Variants in PCDHGA11 observed in about 807,000 individuals in gnomAD.
The protein encoded by PCDHGA11 is protocadherin gamma subfamily A, 11.
A neutral mutation model predicts 60.4 loss-of-function variants in PCDHGA11; 39 were observed. The ratio of observed to expected loss-of-function variants is 0.65; its 90% CI spans 0.50 to 0.84. PCDHGA11 has a LOEUF of 0.84. PCDHGA11 is among the 40% of genes least tolerant of loss of function. The probability of loss-of-function intolerance (pLI) is 0.00; values close to 1 mark genes in which losing one functional copy is unlikely to be tolerated. For synonymous variants in PCDHGA11, 533 were observed against 510.3 expected (o/e 1.04, Z -0.60); for missense variants, 1,165 against 1,197.7 (o/e 0.97, Z 0.40).
chr5:141,490,941 A>G lies in PCDHGA11; in HGVS notation c.2434-3866A>G. The G allele has an allele frequency of 6.2e-7, 1 of 1,613,628 alleles. No homozygotes were observed. The highest frequency in any genetic ancestry group is 8.5e-7 in the Non-Finnish European group (1 of 1,179,772). On this transcript the variant is annotated intron_variant, in intron 1 of 3. Coordinates refer to ENST00000398587, the MANE Select transcript of PCDHGA11 (RefSeq NM_018914.3). The surrounding 1 kb of genome is among the most constrained non-coding windows in gnomAD (Gnocchi z 5.4). ...ATAATGCCCCAGCTGTGCTGCACCC[A>G]CGGCCAGACTGGGAACACTCAGCCC... is the stretch of plus-strand genomic sequence containing the variant.
intron 1 of PCDHGA11, among the ~76,000 whole-genome samples, chr5:141,464,370 T>C (rs1239284694): frequency 6.6e-6 from 1 of 151,828 alleles, no homozygotes. Context: ...CCAATATTTT[T>C]GCAATATAAA....
rs115568443 is a variant in PCDHGA11 at position 141,439,423 on chromosome 5, A to G, written c.2433+15763A>G. On this transcript the variant is annotated intron_variant, in intron 1 of 3. Coordinates refer to ENST00000398587, the MANE Select transcript of PCDHGA11 (RefSeq NM_018914.3). ...TGTGCTAACATCACTGAGGTTATAA[A>G]TTCCCAGGAATATTTTATTGCGGGA... 1.0e-2 allele frequency among the ~76,000 whole-genome samples: 1,522 copies of G among 152,306 alleles called. 34 individuals carry two copies. Among genetic ancestry groups the G allele is most frequent in the African/African-American group, 0.034 (1,425 of 41,558 alleles).
At chr5:141,437,497 T>A (rs2097889891) in intron 1 of PCDHGA11, among the ~76,000 whole-genome samples, 1 of 152,190 alleles carries the variant, frequency 6.6e-6, no homozygotes, top group Non-Finnish European at 1.5e-5. Flanking sequence ...TAGATCACTT[T>A]TCAATGAATT....
At chr5:141,435,728 A>T (rs549219746) in intron 1 of PCDHGA11, among the ~76,000 whole-genome samples, 1 of 152,200 alleles carries the variant, frequency 6.6e-6, no homozygotes, top group Non-Finnish European at 1.5e-5. Flanking sequence ...GCTAAAGTGT[A>T]TTACTCTTTG....
intron 1 of PCDHGA11, among the ~76,000 whole-genome samples, chr5:141,479,041 C>T (rs1346986831): frequency 1.2e-4 from 18 of 152,100 alleles, no homozygotes; most frequent in Admixed American, 1.2e-3. Flanking sequence ...AGATCGTGTA[C>T]CTCATTCTCA....
At chr5:141,478,098 C>T (rs779493391) in intron 1 of PCDHGA11, 1 of 1,614,142 alleles carries the variant, frequency 6.2e-7, no homozygotes, top group South Asian at 1.1e-5. Flanking sequence ...ACCACTGCTA[C>T]CCTCACTGTG....
intron 1 of PCDHGA11, chr5:141,478,484 C>T (rs376021397): frequency 6.2e-7 from 1 of 1,613,458 alleles, no homozygotes; most frequent in South Asian, 1.1e-5. Flanking sequence ...GAACACGCTG[C>T]GGAGCTGTGA....
Position 141,486,904 on chromosome 5 carries a change from C to G in PCDHGA11, c.2434-7903C>G. On this transcript the variant is annotated intron_variant, in intron 1 of 3. Transcript: ENST00000398587. This position sits in a 1 kb window ranked among gnomAD's most constrained non-coding sequence, Gnocchi z 5.0. The stretch of plus-strand genomic sequence containing the variant: ...GGGCCCGGCCTGGTTCCTTATGTCC[C>G]CAAGCACTGCCTCCATCAGTTGGTG... 6.2e-7 allele frequency: 1 copy of G among 1,614,226 alleles called. No individual in the cohort carries two copies. The highest frequency in any genetic ancestry group is 1.1e-5 in the South Asian group (1 of 91,080).
intron 1 of PCDHGA11, among the ~76,000 whole-genome samples, chr5:141,463,479 C>T (rs1162346496): frequency 4.1e-5 from 5 of 120,544 alleles, no homozygotes; most frequent in Non-Finnish European, 8.1e-5. Flanking sequence ...GATGGAGTCT[C>T]GCTCTGTCAC....
chr5:141,477,059 A>G lies in PCDHGA11; in HGVS notation c.2434-17748A>G. On this transcript the variant is annotated intron_variant, in intron 1 of 3. Coordinates refer to ENST00000398587, the MANE Select transcript of PCDHGA11 (RefSeq NM_018914.3). This position sits in a 1 kb window ranked among gnomAD's most constrained non-coding sequence, Gnocchi z 4.9. ...CAAGGGTCGGCTGGACTTCGAGGAC[A>G]CCAAACTCCATGAGATTTACATCCA... The G allele has an allele frequency of 1.2e-6, 2 of 1,614,238 alleles. No individual in the cohort carries two copies. Among genetic ancestry groups the G allele is most frequent in the Non-Finnish European group, 1.7e-6 (2 of 1,180,036 alleles).
chr5:141,432,706 C>G lies in PCDHGA11; in HGVS notation c.2433+9046C>G, dbSNP rs761752571. The G allele has an allele frequency of 6.2e-7, 1 of 1,613,988 alleles. No homozygotes were observed. Among genetic ancestry groups the G allele is most frequent in the African/African-American group, 1.3e-5 (1 of 75,072 alleles). Reference sequence around the variant, plus strand: ...GCCTCGTAGTGGCCGTCCAGGACCACGGCCAGCCCCCTCTCTCCGCCACTG... The same window carrying G: ...GCCTCGTAGTGGCCGTCCAGGACCAGGGCCAGCCCCCTCTCTCCGCCACTG... On this transcript the variant is annotated intron_variant, in intron 1 of 3. Transcript: ENST00000398587. The surrounding 1 kb of genome is among the most constrained non-coding windows in gnomAD (Gnocchi z 6.0).
rs750731453 is a variant in PCDHGA11, at chr5:141,421,995, C to G, written c.768C>G (p.Ile256Met). Reference protein sequence around the residue: ...SVYRVSVPENISSGTRVLMVN... With the variant: ...SVYRVSVPENMSSGTRVLMVN... ...ATCGCGTGAGTGTTCCAGAAAACATCAGCTCCGGAACTCGGGTGCTGATGG... is the reference window on the plus strand; with the variant it reads ...ATCGCGTGAGTGTTCCAGAAAACATGAGCTCCGGAACTCGGGTGCTGATGG... Residue 256 changes from isoleucine (I) to methionine (M), a missense_variant, in exon 1 of 4, where the codon ATC becomes ATG. Ile to Met is a conservative substitution (Grantham distance 10). Coordinates refer to ENST00000398587, the MANE Select transcript of PCDHGA11 (RefSeq NM_018914.3). 6.2e-7 allele frequency: 1 copy of G among 1,608,844 alleles called. No individual in the cohort carries two copies. The highest frequency in any genetic ancestry group is 1.1e-5 in the South Asian group (1 of 90,214).
rs1460389320 is a variant in PCDHGA11 at position 141,490,134 on chromosome 5, C to T, written c.2434-4673C>T. The T allele has an allele frequency of 2.5e-6, 4 of 1,614,114 alleles. No homozygotes were observed. Among genetic ancestry groups the T allele is most frequent in the Admixed American group, 3.3e-5 (2 of 59,998 alleles). ...GGAACCTCTTTGGCCTAGACCCTAG[C>T]AGTGGGGCAATCCATGTGTTGGGTC... On this transcript the variant is annotated intron_variant, in intron 1 of 3. Coordinates refer to ENST00000398587, the MANE Select transcript of PCDHGA11 (RefSeq NM_018914.3). This position sits in a 1 kb window ranked among gnomAD's most constrained non-coding sequence, Gnocchi z 5.4.
chr5:141,423,996 A>G (rs1164307988), intron 1 of PCDHGA11: 1 of 1,079,028 alleles, frequency 9.3e-7, no homozygotes, highest in African/African-American at 1.7e-5. Context: ...AATTTATTAT[A>G]TATAGATACA....
At chr5:141,451,945 C>T (rs906800803) in intron 1 of PCDHGA11, among the ~76,000 whole-genome samples, 1 of 151,970 alleles carries the variant, frequency 6.6e-6, no homozygotes, top group Non-Finnish European at 1.5e-5. Flanking sequence ...AGGGAAAGAC[C>T]GAGAAAGTGA....
intron 2 of PCDHGA11, among the ~76,000 whole-genome samples, chr5:141,497,023 G>A (rs1271608156): frequency 1.3e-5 from 2 of 151,912 alleles, no homozygotes; most frequent in Non-Finnish European, 2.9e-5. Flanking sequence ...ACCCCATCTC[G>A]ATTAAAAATA....
In PCDHGA11 at chr5:141,489,621, T is replaced by C. The variant is rs765666746; in HGVS notation, c.2434-5186T>C. 29 of 1,613,978 alleles carry C rather than the reference T, an allele frequency of 1.8e-5. No individual in the cohort carries two copies. The highest frequency in any genetic ancestry group is 1.6e-4 in the Middle Eastern group (1 of 6,084). On this transcript the variant is annotated intron_variant, in intron 1 of 3. Transcript: ENST00000398587. The surrounding 1 kb of genome is among the most constrained non-coding windows in gnomAD (Gnocchi z 4.5). ...TAGAGGTAGAGATCCTGGATCTCAATGACAACTCTCCTAGCTTTGCCACCC... is the reference window on the plus strand; with the variant it reads ...TAGAGGTAGAGATCCTGGATCTCAACGACAACTCTCCTAGCTTTGCCACCC...
chr5:141,426,733 G>A (rs62378459), intron 1 of PCDHGA11: 13,670 of 449,336 alleles, frequency 0.03, 288 homozygotes, highest in Middle Eastern at 0.11. Context: ...CCAGGCATTC[G>A]GTTTGGCCTG....
chr5:141,444,325 C>G (rs2098432231), intron 1 of PCDHGA11, among the ~76,000 whole-genome samples: 1 of 151,840 alleles, frequency 6.6e-6, no homozygotes, highest in Non-Finnish European at 1.5e-5. Flanking sequence ...GCATGTGCCA[C>G]CACGCCCAGC....
Sources: allele counts gnomAD v4.1 joint callset (sites outside exome capture counted in the v4.1 genomes callset), GRCh38; gene constraint gnomAD v4.1.1; non-coding constraint Gnocchi (gnomAD v3.1); transcripts MANE v1.5; gene names NCBI Gene and HGNC (gene_info 2026-07-23, HGNC 2026-07-21).